ABCA3: variants seen among roughly 807,000 people sequenced by gnomAD.
ABCA3 encodes ATP binding cassette subfamily A member 3.
In ABCA3, 88 loss-of-function variants were observed where a neutral mutation model predicts 172.8. The observed-to-expected ratio is 0.51, with a 90% confidence interval of 0.43 to 0.61. The LOEUF (loss-of-function observed/expected upper bound fraction) is 0.61. Ranked by LOEUF, ABCA3 falls within the 20% of genes least tolerant of loss-of-function variation. ABCA3 has a pLI of 0.00. For synonymous variants in ABCA3, 1,066 were observed against 983.8 expected (o/e 1.08, Z -1.56); for missense variants, 2,164 against 2,301.0 (o/e 0.94, Z 1.22).
intron 19 of ABCA3, among the ~76,000 whole-genome samples, chr16:2,291,672 A>G (rs1009867899): frequency 6.6e-6 from 1 of 152,302 alleles, no homozygotes; most frequent in South Asian, 2.1e-4. Flanking sequence ...CACAATCTGC[A>G]CTTGGGGCTC....
chr16:2,292,860 C>T (rs2093674182), intron 18 of ABCA3, among the ~76,000 whole-genome samples: 2 of 151,922 alleles, frequency 1.3e-5, no homozygotes, highest in Admixed American at 6.5e-5. Context: ...GAGGCTGAGG[C>T]AGGAGAATTG....
chr16:2,331,941 C>T lies in ABCA3; in HGVS notation c.-538-2087G>A, dbSNP rs189473687. 2.9e-3 allele frequency among the ~76,000 whole-genome samples: 443 copies of T among 152,336 alleles called. 1 individual carries two copies. Among genetic ancestry groups the T allele is most frequent in the Admixed American group, 5.2e-3 (80 of 15,304 alleles). The stretch of plus-strand genomic sequence containing the variant: ...TCAGGAAAGGGAAGGCAAACCTTTT[C>T]CCCTCTCTATAAAAGGTTTGCTTAC... On this transcript the variant is annotated intron_variant, in intron 1 of 32. Transcript: ENST00000301732.
chr16:2,316,923 A>G (rs1488497044), intron 10 of ABCA3, among the ~76,000 whole-genome samples: 2 of 152,182 alleles, frequency 1.3e-5, no homozygotes, highest in African/African-American at 4.8e-5. Flanking sequence ...ACAAAGAAGC[A>G]AAAGAGAATG....
intron 10 of ABCA3, among the ~76,000 whole-genome samples, chr16:2,313,016 C>T (rs1240278469): frequency 2.0e-5 from 3 of 152,016 alleles, no homozygotes; most frequent in Admixed American, 1.3e-4. Flanking sequence ...GATCAGGCCA[C>T]TGCACTCCAG....
intron 18 of ABCA3, 27 bp from the exon 19 acceptor site, chr16:2,292,265 T>G (rs769406356): frequency 5.1e-6 from 8 of 1,580,932 alleles, no homozygotes; most frequent in Non-Finnish European, 6.1e-6. Flanking sequence ...GCATTATGAG[T>G]CACTTCTCAG....
chr16:2,306,336 T>G (rs548052474), intron 11 of ABCA3, among the ~76,000 whole-genome samples: 1 of 152,072 alleles, frequency 6.6e-6, no homozygotes, highest in South Asian at 2.1e-4. Flanking sequence ...AAAAAAAAAT[T>G]GTTAAAAAGA....
chr16:2,300,472 G>A (rs1278907104), intron 12 of ABCA3, among the ~76,000 whole-genome samples: 2 of 152,196 alleles, frequency 1.3e-5, no homozygotes, highest in Non-Finnish European at 2.9e-5. Flanking sequence ...TAACGCTCCA[G>A]TCCAGAGGGA....
chr16:2,298,562 C>G (rs754658937), intron 14 of ABCA3, 22 bp from the exon 15 acceptor site: 1 of 1,611,612 alleles, frequency 6.2e-7, no homozygotes, highest in Non-Finnish European at 8.5e-7. Flanking sequence ...CAGGAGACCC[C>G]ACATTCAGCA....
At chr16:2,309,897 G>A (rs2093703803) in intron 10 of ABCA3, among the ~76,000 whole-genome samples, 1 of 152,106 alleles carries the variant, frequency 6.6e-6, no homozygotes, top group Non-Finnish European at 1.5e-5. Flanking sequence ...TGGGATTACA[G>A]GTCTGAGCCA....
rs1244862978 is a variant in ABCA3 at position 2,295,734 on chromosome 16, C to T, written c.2270G>A (p.Gly757Asp). The T allele has an allele frequency of 1.9e-6, 3 of 1,613,902 alleles. No individual in the cohort carries two copies. The highest frequency in any genetic ancestry group is 2.5e-6 in the Non-Finnish European group (3 of 1,180,050). The part of the protein sequence containing the change: ...SLFLKQKYGA[G>D]YHMTLVKEPH... ...CTCCTTCACCAGCGTCATGTGATAGCCGGCACCTGGAATACAGGGCCACGT... is the reference window on the plus strand; with the variant it reads ...CTCCTTCACCAGCGTCATGTGATAGTCGGCACCTGGAATACAGGGCCACGT... The change falls in exon 18 of 33, where the codon GGC becomes GAC. Residue 757 changes from glycine (G) to aspartate (D), a missense_variant. Transcript: ENST00000301732.
rs1360045867 is a variant in ABCA3 at position 2,277,689 on chromosome 16, G to A, written c.4910-19C>T. ...ACGCTGCCTGCACAAAGGAGAGACG[G>A]TGTTGCTGTGAGCGCCGGGCTGGAG... On this transcript the variant is annotated intron_variant, in intron 31 of 32. Coordinates refer to ENST00000301732, the MANE Select transcript of ABCA3 (RefSeq NM_001089.3). This position sits in a 1 kb window ranked among gnomAD's most constrained non-coding sequence, Gnocchi z 5.3. 1.2e-6 allele frequency: 2 copies of A among 1,613,050 alleles called. No individual in the cohort carries two copies. Among genetic ancestry groups the A allele is most frequent in the Admixed American group, 3.3e-5 (2 of 60,014 alleles).
rs190225154 is a variant in ABCA3, at chr16:2,330,612, A to T, written c.-538-758T>A. On this transcript the variant is annotated intron_variant, in intron 1 of 32. Transcript: ENST00000301732. ...TGGGATGACAGGTGTGAGCCACTGT[A>T]CCCAGCTGAAACTCTGCTTTCCTGC... is the stretch of plus-strand genomic sequence containing the variant. 1.3e-3 allele frequency among the ~76,000 whole-genome samples: 194 copies of T among 150,702 alleles called. 3 individuals carry two copies. The East Asian group carries it at 0.032, about 25-fold the overall frequency.
At chr16:2,316,959 G>C (rs1252896014) in intron 10 of ABCA3, among the ~76,000 whole-genome samples, 5 of 152,182 alleles carry the variant, frequency 3.3e-5, no homozygotes, top group Non-Finnish European at 7.3e-5. Flanking sequence ...ACAAAATCCA[G>C]ACAGGAAAAA....
intron 20 of ABCA3, 21 bp downstream of exon 20, chr16:2,289,413 C>T (rs1278321786): frequency 2.6e-6 from 4 of 1,565,620 alleles, no homozygotes; most frequent in East Asian, 2.3e-5. Flanking sequence ...CCGCCACCCG[C>T]CCACCCACCT....
chr16:2,311,561 C>A (rs1012976560), intron 10 of ABCA3, among the ~76,000 whole-genome samples: 1 of 151,532 alleles, frequency 6.6e-6, no homozygotes, highest in Admixed American at 6.6e-5. Context: ...CTCGCTCTGT[C>A]GCCCAGGCTG....
rs1208248023 is a variant in ABCA3, at chr16:2,292,120, G to A, written c.2513+20C>T. On this transcript the variant is annotated intron_variant, in intron 19 of 32. Transcript: ENST00000301732. ...GCACGGAGCCCAGTCCTAGGTGGAC[G>A]GAAATGCGCATTTACTGACCGAAGG... 11 of 1,594,726 alleles carry A rather than the reference G, an allele frequency of 6.9e-6. No homozygotes were observed. The highest frequency in any genetic ancestry group is 2.2e-5 in the East Asian group (1 of 44,708).
In ABCA3 at chr16:2,288,117, T is replaced by C. The variant is rs771693403; in HGVS notation, c.2913A>G (p.Ser971=). The change falls in exon 21 of 33, where the codon TCA becomes TCG. Residue 971 remains serine (S), a synonymous_variant. Transcript: ENST00000301732. ...GACCCAGCTGGGAGGTCCCGGGAAC[T>C]GAGAAGGGCACGACGGTTCTGCCGT... ...GEYGRTVVPF[S]VPGTSQLGQQ... 1.9e-6 allele frequency: 3 copies of C among 1,613,546 alleles called. No homozygotes were observed. The highest frequency in any genetic ancestry group is 3.3e-5 in the Admixed American group (2 of 59,958).
intron 11 of ABCA3, among the ~76,000 whole-genome samples, chr16:2,305,840 T>C (rs2093696847): frequency 6.6e-6 from 1 of 152,170 alleles, no homozygotes; most frequent in African/African-American, 2.4e-5. Context: ...CATAAGTCTT[T>C]TTTAATCACA....
chr16:2,299,921 G>T, intron 13 of ABCA3, 84 bp downstream of exon 13: 1 of 1,585,200 alleles, frequency 6.3e-7, no homozygotes, highest in Non-Finnish European at 8.6e-7. Flanking sequence ...CGCCTGACGG[G>T]CTATGAGGTC....
Sources: allele counts gnomAD v4.1 joint callset (sites outside exome capture counted in the v4.1 genomes callset), GRCh38; gene constraint gnomAD v4.1.1; non-coding constraint Gnocchi (gnomAD v3.1); transcripts MANE v1.5; gene names NCBI Gene and HGNC (gene_info 2026-07-23, HGNC 2026-07-21).